Variants in THEMIS observed in about 807,000 individuals in gnomAD.
The protein encoded by THEMIS is thymocyte selection associated.
In THEMIS, 37 loss-of-function variants were observed where a neutral mutation model predicts 52.6. The observed-to-expected ratio is 0.70, with a 90% CI of 0.54 to 0.93. The LOEUF is 0.93. Ranked by LOEUF, THEMIS falls within the 40% of genes least tolerant of loss-of-function variation. The probability of loss-of-function intolerance (pLI) is 0.00; values close to 1 mark genes in which losing one functional copy is unlikely to be tolerated. For missense variants in THEMIS, 808 were observed against 763.1 expected (o/e 1.06, Z -0.69); for synonymous variants, 292 against 272.7 (o/e 1.07, Z -0.70).
At chr6:127,892,689 A>G (rs1780847603) in intron 1 of THEMIS, among the ~76,000 whole-genome samples, 2 of 152,132 alleles carry the variant, frequency 1.3e-5, no homozygotes, top group African/African-American at 2.4e-5. Context: ...ATTAATTTCT[A>G]GTGATTGGAT....
In THEMIS at chr6:127,767,312, A is replaced by C. The variant is rs535015257; in HGVS notation, c.1758+45571T>G. ...TCACCATGTTGGCCAGGCTGGTCTC[A>C]AACTCCTGACCTCAAGTGATCTGCC... On this transcript the variant is annotated intron_variant, in intron 4 of 5. Transcript: ENST00000368248. 2.6e-5 allele frequency among the ~76,000 whole-genome samples: 4 copies of C among 152,136 alleles called. No homozygotes were observed. The South Asian group carries it at 8.3e-4, about 32-fold the overall frequency.
intron 1 of THEMIS, among the ~76,000 whole-genome samples, chr6:127,861,081 A>G (rs1779782789): frequency 6.6e-6 from 1 of 152,100 alleles, no homozygotes; most frequent in Non-Finnish European, 1.5e-5. Flanking sequence ...TATTGATCAA[A>G]TATTTCCCAT....
intron 4 of THEMIS, among the ~76,000 whole-genome samples, chr6:127,771,873 C>G (rs77527809): frequency 0.015 from 2,303 of 152,162 alleles, 55 homozygotes; most frequent in African/African-American, 0.051. Flanking sequence ...TTACTGCAAT[C>G]AGTATGGCAC....
chr6:127,800,463 C>A (rs1777494486), intron 4 of THEMIS, among the ~76,000 whole-genome samples: 1 of 152,176 alleles, frequency 6.6e-6, no homozygotes, highest in African/African-American at 2.4e-5. Flanking sequence ...AAACATCATA[C>A]TAGGCATCTC....
intron 1 of THEMIS, among the ~76,000 whole-genome samples, chr6:127,899,903 TTATATA>T (rs111727278): frequency 1.7e-4 from 25 of 144,504 alleles, no homozygotes; most frequent in African/African-American, 4.3e-4. Flanking sequence ...TGTGTATATT[TTATATA>T]TATATATATA....
chr6:127,703,513 C>A (rs996619732), downstream of THEMIS, among the ~76,000 whole-genome samples: 10 of 152,054 alleles, frequency 6.6e-5, no homozygotes, highest in Non-Finnish European at 2.9e-5. Flanking sequence ...TTCCTGTGTA[C>A]CCAATCATTG....
At position 127,813,060 on chromosome 6, in the gene THEMIS, T is replaced by C. The variant is rs781087218; in HGVS notation, c.1581A>G (p.Leu527=). The stretch of plus-strand genomic sequence containing the variant: ...TGATCTCTTCTACCAGAGTCCTGAC[T>C]AGAAATGGTTCTGCATCCCTAGAGA... ...SNFSRDAEPF[L]VRTLVEEITE... Residue 527 remains leucine (L), a synonymous_variant, in exon 4 of 6, where the codon CTA becomes CTG. Transcript: ENST00000368248. The C allele has an allele frequency of 6.2e-7, 1 of 1,614,152 alleles. No individual in the cohort carries two copies. Among genetic ancestry groups the C allele is most frequent in the Non-Finnish European group, 8.5e-7 (1 of 1,180,034 alleles).
At position 127,813,665 on chromosome 6, in the gene THEMIS, T is replaced by C. The variant is rs1393221618; in HGVS notation, c.976A>G (p.Asn326Asp). ...ATCAAGAAGTGTCTTTTAGGAAAAT[T>C]GCTTCTAATTTCTGAAGCTAAGATT... ...SRILASEIRS[N>D]FPKRHFLIPT... The change falls in exon 4 of 6, where the codon AAT becomes GAT. Residue 326 changes from asparagine to aspartate, a missense_variant. Transcript: ENST00000368248. 6.2e-7 allele frequency: 1 copy of C among 1,614,030 alleles called. No homozygotes were observed. Among genetic ancestry groups the C allele is most frequent in the Non-Finnish European group, 8.5e-7 (1 of 1,180,016 alleles).
chr6:127,812,203 G>T (rs1167983006), intron 4 of THEMIS, among the ~76,000 whole-genome samples: 1 of 152,164 alleles, frequency 6.6e-6, no homozygotes, highest in Non-Finnish European at 1.5e-5. Flanking sequence ...AAGAGGCAAA[G>T]ACCTCAAGTG....
At chr6:127,875,595 G>A (rs887200360) in intron 1 of THEMIS, among the ~76,000 whole-genome samples, 1 of 152,212 alleles carries the variant, frequency 6.6e-6, no homozygotes, top group East Asian at 1.9e-4. Flanking sequence ...TAATAGCCAC[G>A]TGAGGCTCTT....
intron 2 of THEMIS, among the ~76,000 whole-genome samples, chr6:127,833,372 A>G (rs1778765238): frequency 6.6e-6 from 1 of 152,184 alleles, no homozygotes; most frequent in Non-Finnish European, 1.5e-5. Context: ...TTTCATATGC[A>G]TCCTTTATCC....
At chr6:127,788,317 G>A (rs1392632134) in intron 4 of THEMIS, among the ~76,000 whole-genome samples, 1 of 152,122 alleles carries the variant, frequency 6.6e-6, no homozygotes, top group Non-Finnish European at 1.5e-5. Context: ...ATGGAGAATT[G>A]CCTCTCAATA....
chr6:127,745,546 C>T (rs1775359097), intron 4 of THEMIS, among the ~76,000 whole-genome samples: 1 of 151,784 alleles, frequency 6.6e-6, no homozygotes, highest in African/African-American at 2.4e-5. Flanking sequence ...TTGCTATCAA[C>T]ATAATATATT....
chr6:127,788,627 C>T (rs1777055872), intron 4 of THEMIS, among the ~76,000 whole-genome samples: 1 of 152,080 alleles, frequency 6.6e-6, no homozygotes, highest in Admixed American at 6.5e-5. Context: ...GTTATTTTAA[C>T]ATTTTAGCCC....
At chr6:127,876,186 T>C (rs150514638) in intron 1 of THEMIS, among the ~76,000 whole-genome samples, 1 of 152,308 alleles carries the variant, frequency 6.6e-6, no homozygotes, top group African/African-American at 2.4e-5. Context: ...CAATGAAATG[T>C]GTTACAGAGT....
chr6:127,760,512 A>G (rs1775985518), intron 4 of THEMIS, among the ~76,000 whole-genome samples: 1 of 152,142 alleles, frequency 6.6e-6, no homozygotes, highest in Non-Finnish European at 1.5e-5. Context: ...CAAGCTCAGC[A>G]TAGTGGCTCC....
intron 1 of THEMIS, among the ~76,000 whole-genome samples, chr6:127,876,753 G>A (rs1780324965): frequency 6.6e-6 from 1 of 152,094 alleles, no homozygotes; most frequent in South Asian, 2.1e-4. Context: ...CTAAACGAAA[G>A]CAATTAACTA....
intron 4 of THEMIS, among the ~76,000 whole-genome samples, chr6:127,786,001 T>C (rs1010891977): frequency 2.6e-5 from 4 of 152,134 alleles, no homozygotes; most frequent in African/African-American, 9.7e-5. Context: ...TAGTAGGAGA[T>C]CTTTTTAGGA....
the THEMIS span, among the ~76,000 whole-genome samples, chr6:127,700,569 T>C: frequency 6.6e-6 from 1 of 152,004 alleles, no homozygotes; most frequent in South Asian, 2.1e-4. Context: ...TTAAGGAACA[T>C]GCTGAAGAAA....
Sources: allele counts gnomAD v4.1 joint callset (sites outside exome capture counted in the v4.1 genomes callset), GRCh38; gene constraint gnomAD v4.1.1; transcripts MANE v1.5; gene names NCBI Gene and HGNC (gene_info 2026-07-23, HGNC 2026-07-21).